RNF111: variants seen among roughly 807,000 people sequenced by gnomAD.
RNF111 encodes E3 ubiquitin-protein ligase Arkadia.
A neutral mutation model predicts 95.1 loss-of-function variants in RNF111; 17 were observed. The observed-to-expected ratio is 0.18, with a 90% CI of 0.12 to 0.27. The LOEUF is 0.27. RNF111 is among the 10% of genes least tolerant of loss of function. The probability of loss-of-function intolerance (pLI) is 1.00; values close to 1 mark genes in which losing one functional copy is unlikely to be tolerated. For synonymous variants in RNF111, 440 were observed against 414.8 expected (o/e 1.06, Z -0.74); for missense variants, 1,189 against 1,210.4 (o/e 0.98, Z 0.26).
chr15:59,012,232 T>C (rs2039858498), intron 1 of RNF111, among the ~76,000 whole-genome samples: 1 of 152,092 alleles, frequency 6.6e-6, no homozygotes, highest in South Asian at 2.1e-4. Context: ...TTGGCCAGGC[T>C]GGTCTCGAAC....
intron 1 of RNF111, among the ~76,000 whole-genome samples, chr15:59,024,827 C>A (rs2040520125): frequency 6.6e-6 from 1 of 152,186 alleles, no homozygotes; most frequent in Non-Finnish European, 1.5e-5. Context: ...ACACTAACTC[C>A]TATTCTCCCC....
chr15:59,039,170 G>C (rs149247897), intron 2 of RNF111, among the ~76,000 whole-genome samples: 1 of 151,962 alleles, frequency 6.6e-6, no homozygotes, highest in Non-Finnish European at 1.5e-5. Flanking sequence ...TTCCATGTTG[G>C]TCATGCTGGT....
At chr15:59,080,898 G>A in intron 7 of RNF111, 38 bp from the exon 8 acceptor site, 6 of 1,470,832 alleles carry the variant, frequency 4.1e-6, no homozygotes, top group Non-Finnish European at 5.6e-6. Flanking sequence ...TCAACTGCAT[G>A]GTGCCTATGT....
chr15:59,092,442 T>G (rs1596319547), intron 12 of RNF111, 95 bp from the exon 13 acceptor site: 57 of 1,333,316 alleles, frequency 4.3e-5, no homozygotes, highest in Non-Finnish European at 5.3e-5. Context: ...TATGTGGTTT[T>G]GTTTTGTTTT....
At position 59,096,262 on chromosome 15, in the gene RNF111, T is replaced by C. The variant is rs2079175034; in HGVS notation, c.*1362T>C. The C allele has an allele frequency of 2.6e-6, 1 of 389,992 alleles. No homozygotes were observed. The highest frequency in any genetic ancestry group is 4.4e-5 in the Admixed American group (1 of 22,534). 24.2% of individuals were successfully genotyped at this position (389,992 alleles called of 1,614,324 possible). On this transcript the variant is annotated 3_prime_UTR_variant, in exon 14 of 14. Coordinates refer to ENST00000348370, the MANE Select transcript of RNF111 (RefSeq NM_017610.8). ...ACAGGATAGCCTAATTTTATTTGTT[T>C]AAATATGCTTAATATGCCCCAGATT...
chr15:59,081,050 C>T lies in RNF111; in HGVS notation c.2063C>T (p.Pro688Leu). Residue 688 changes from proline to leucine, a missense_variant, in exon 8 of 14, where the codon CCT (proline) becomes CTT (leucine). Pro to Leu is a moderately conservative substitution (Grantham distance 98). Around this residue, in one of 2 missense-constraint regions of RNF111, gnomAD observed 1,024 missense variants for 925.9 expected, o/e 1.11. Transcript: ENST00000348370. ...CAAGTGGATTATGTTATTCCTCATC[C>T]TGTACATGCTTTCCATTCTCAAATA... Reference protein sequence around the residue: ...PPQVDYVIPHPVHAFHSQISS... With the variant: ...PPQVDYVIPHLVHAFHSQISS... 6.2e-7 allele frequency: 1 copy of T among 1,614,126 alleles called. No homozygotes were observed. Among genetic ancestry groups the T allele is most frequent in the Non-Finnish European group, 8.5e-7 (1 of 1,180,014 alleles).
intron 1 of RNF111, among the ~76,000 whole-genome samples, chr15:59,014,357 T>G (rs2039969396): frequency 6.6e-6 from 1 of 152,232 alleles, no homozygotes; most frequent in Non-Finnish European, 1.5e-5. Flanking sequence ...ATCTGAGCAC[T>G]AGGACTTAGT....
chr15:59,011,264 A>T (rs1359267608), intron 1 of RNF111, among the ~76,000 whole-genome samples: 2 of 152,144 alleles, frequency 1.3e-5, no homozygotes, highest in African/African-American at 4.8e-5. Context: ...TTCTACTTCT[A>T]TTAAGTTTCA....
At chr15:59,017,661 C>T (rs1345714195) in intron 1 of RNF111, among the ~76,000 whole-genome samples, 3 of 151,340 alleles carry the variant, frequency 2.0e-5, no homozygotes, top group African/African-American at 7.3e-5. Flanking sequence ...AAGTTTGAAG[C>T]TTTGAAAGTT....
chr15:58,995,071 AG>A, intron 1 of RNF111, among the ~76,000 whole-genome samples: 1 of 152,200 alleles, frequency 6.6e-6, no homozygotes, highest in East Asian at 1.9e-4. Context: ...AATGTGGAAC[AG>A]TGCACCTAAT....
At chr15:59,036,736 T>C (rs552931356) in intron 2 of RNF111, among the ~76,000 whole-genome samples, 2 of 152,250 alleles carry the variant, frequency 1.3e-5, no homozygotes, top group Non-Finnish European at 2.9e-5. Flanking sequence ...TTTTACATTT[T>C]AAGTATTTTG....
At chr15:59,048,847 G>A (rs1292471852) in intron 2 of RNF111, among the ~76,000 whole-genome samples, 1 of 152,060 alleles carries the variant, frequency 6.6e-6, no homozygotes, top group Non-Finnish European at 1.5e-5. Flanking sequence ...CAGCACTTTG[G>A]GGGACTGAGG....
intron 2 of RNF111, 29 bp from the exon 3 acceptor site, chr15:59,052,276 C>A: frequency 2.6e-6 from 4 of 1,532,390 alleles, no homozygotes; most frequent in African/African-American, 3.0e-5. Context: ...AGGAAGATGC[C>A]TTTAAATGTT....
intron 13 of RNF111, among the ~76,000 whole-genome samples, chr15:59,094,358 G>T (rs772998052): frequency 6.6e-6 from 1 of 152,038 alleles, no homozygotes; most frequent in Non-Finnish European, 1.5e-5. Flanking sequence ...TTTTGAGAGA[G>T]AATTAAATGA....
chr15:59,056,963 C>G (rs2042224422), intron 4 of RNF111, among the ~76,000 whole-genome samples: 2 of 152,044 alleles, frequency 1.3e-5, no homozygotes, highest in Non-Finnish European at 2.9e-5. Context: ...TAAAAGTATT[C>G]CAGTGATTAG....
At chr15:59,018,231 C>T (rs1400472134) in intron 1 of RNF111, among the ~76,000 whole-genome samples, 3 of 152,140 alleles carry the variant, frequency 2.0e-5, no homozygotes, top group African/African-American at 7.2e-5. Context: ...TGTAGACTAA[C>T]ATCAGTAACT....
At chr15:59,053,131 CAT>C (rs2042060056) in intron 3 of RNF111, among the ~76,000 whole-genome samples, 1 of 152,086 alleles carries the variant, frequency 6.6e-6, no homozygotes, top group East Asian at 1.9e-4. Flanking sequence ...TAATTCAAAA[CAT>C]ATGTTTTGAT....
chr15:59,083,545 A>C (rs1218620843), intron 8 of RNF111, among the ~76,000 whole-genome samples: 3 of 152,128 alleles, frequency 2.0e-5, no homozygotes, highest in Admixed American at 6.5e-5. Context: ...CAAAAAAAAA[A>C]AAAAGTATGA....
intron 1 of RNF111, among the ~76,000 whole-genome samples, chr15:59,021,112 T>A (rs1368253629): frequency 3.3e-5 from 5 of 152,154 alleles, no homozygotes; most frequent in African/African-American, 4.8e-5. Flanking sequence ...TTCTTATGCC[T>A]CTGTGTCCTC....
Sources: allele counts gnomAD v4.1 joint callset (sites outside exome capture counted in the v4.1 genomes callset), GRCh38; gene constraint gnomAD v4.1.1; regional missense constraint gnomAD v4.1.1; transcripts MANE v1.5; gene names NCBI Gene and HGNC (gene_info 2026-07-23, HGNC 2026-07-21).